CPVL: variants seen among roughly 807,000 people sequenced by gnomAD.
CPVL encodes the protein carboxypeptidase vitellogenic like, also known as probable serine carboxypeptidase CPVL.
CPVL carries 51 observed loss-of-function variants against 63.7 expected under a neutral mutation model. The ratio of observed to expected loss-of-function variants is 0.80; its 90% CI spans 0.64 to 1.01. The LOEUF is 1.01. Among genes scored for constraint, CPVL ranks in the 50% least tolerant of loss-of-function variants. CPVL has a pLI of 0.00. For missense variants in CPVL, 530 were observed against 573.1 expected (o/e 0.92, Z 0.77); for synonymous variants, 195 against 206.0 (o/e 0.95, Z 0.46).
At position 29,011,478 on chromosome 7, in the gene CPVL, G is replaced by C. The variant is rs113775853; in HGVS notation, c.1321-15596C>G. On this transcript the variant is annotated intron_variant, in intron 12 of 12. Transcript: ENST00000265394. ...TGGTCCCAGATACCTGGGATGCTGA[G>C]GTGGGAGGATTTGTTGAGCCTGGGA... 1,122 of 152,332 alleles carry C rather than the reference G, an allele frequency of 7.4e-3. 8 individuals carry two copies. The highest frequency in any genetic ancestry group is 0.013 in the Non-Finnish European group (852 of 68,034). The allele number at this position is 152,332 out of a possible 1,614,324, so 9.4% of individuals were successfully genotyped here. A position where few individuals can be genotyped will look rare whatever the true frequency, so the allele number is the denominator to read the frequency against.
intron 5 of CPVL, among the ~76,000 whole-genome samples, chr7:29,178,164 A>G (rs1393582468): frequency 6.6e-6 from 1 of 152,086 alleles, no homozygotes; most frequent in Admixed American, 6.5e-5. Flanking sequence ...CTTTGAAACC[A>G]CTGGAATAGT....
intron 3 of CPVL, among the ~76,000 whole-genome samples, chr7:29,098,378 T>TGG (rs1378979587): frequency 9.2e-5 from 14 of 152,132 alleles, no homozygotes; most frequent in Non-Finnish European, 1.8e-4. Flanking sequence ...GGGGACCTGC[T>TGG]ACAAGATAGG....
intron 5 of CPVL, among the ~76,000 whole-genome samples, chr7:29,155,945 C>A (rs565941492): frequency 6.6e-6 from 1 of 152,190 alleles, no homozygotes; most frequent in Non-Finnish European, 1.5e-5. Flanking sequence ...GAGACGGCCA[C>A]GTGCTCTTGC....
chr7:29,070,536 T>C (rs559775703), intron 9 of CPVL, among the ~76,000 whole-genome samples: 4 of 152,354 alleles, frequency 2.6e-5, no homozygotes, highest in African/African-American at 7.2e-5. Flanking sequence ...AATACTGTCA[T>C]TGCAAGTGGA....
rs186021257 is a variant in CPVL, at chr7:29,175,738, C to T, written c.-11+5552G>A. On this transcript the variant is annotated intron_variant, in intron 5 of 16. Transcript: ENST00000409850. Reference sequence around the variant, plus strand: ...AGTAGTAGAAGATAAGTTACCCAAGCGGAGCACAGGGAAAAAAACAAAACA... The same window carrying T: ...AGTAGTAGAAGATAAGTTACCCAAGTGGAGCACAGGGAAAAAAACAAAACA... Among the ~76,000 whole-genome samples the T allele has an allele frequency of 3.6e-3, 549 of 151,584 alleles. 1 individual carries two copies. The highest frequency in any genetic ancestry group is 6.4e-3 in the Non-Finnish European group (433 of 67,952).
intron 12 of CPVL, among the ~76,000 whole-genome samples, chr7:29,008,476 T>C (rs1402676493): frequency 1.3e-5 from 2 of 152,184 alleles, no homozygotes; most frequent in Non-Finnish European, 2.9e-5. Flanking sequence ...GACAACAATT[T>C]AAAACAGTTA....
chr7:29,125,936 A>G (rs1363757245), intron 1 of CPVL, among the ~76,000 whole-genome samples: 1 of 152,250 alleles, frequency 6.6e-6, no homozygotes, highest in Non-Finnish European at 1.5e-5. Flanking sequence ...TTGGTAAGAC[A>G]GTAACTTCTC....
chr7:29,131,721 C>T (rs1401354677), intron 1 of CPVL, among the ~76,000 whole-genome samples: 2 of 152,170 alleles, frequency 1.3e-5, no homozygotes, highest in East Asian at 1.9e-4. Context: ...CCATGTTGGC[C>T]AGGCTGGTCT....
At chr7:29,088,790 C>T (rs763583781) in intron 6 of CPVL, among the ~76,000 whole-genome samples, 1 of 152,092 alleles carries the variant, frequency 6.6e-6, no homozygotes, top group African/African-American at 2.4e-5. Flanking sequence ...TTCTGGCCAA[C>T]GTGGTGAAAC....
intron 12 of CPVL, among the ~76,000 whole-genome samples, chr7:29,007,773 A>G (rs770382251): frequency 2.0e-5 from 3 of 151,966 alleles, no homozygotes; most frequent in Non-Finnish European, 4.4e-5. Context: ...ACACACACAC[A>G]CAGTCAGAGG....
At chr7:29,031,893 T>G (rs1430485703) in intron 11 of CPVL, among the ~76,000 whole-genome samples, 1 of 152,154 alleles carries the variant, frequency 6.6e-6, no homozygotes, top group Non-Finnish European at 1.5e-5. Context: ...ATATCACAAC[T>G]ATAACTATAA....
intron 11 of CPVL, among the ~76,000 whole-genome samples, chr7:29,054,754 A>C (rs2128177093): frequency 6.6e-6 from 1 of 152,166 alleles, no homozygotes; most frequent in South Asian, 2.1e-4. Context: ...TTAGACATAT[A>C]GTATTCTCTT....
At chr7:29,031,071 C>T (rs1787976263) in intron 11 of CPVL, among the ~76,000 whole-genome samples, 1 of 152,198 alleles carries the variant, frequency 6.6e-6, no homozygotes, top group South Asian at 2.1e-4. Context: ...ACTGTGGTTA[C>T]ATTTTAGTGG....
chr7:29,027,366 A>G (rs1052991784), intron 12 of CPVL, among the ~76,000 whole-genome samples: 2 of 152,038 alleles, frequency 1.3e-5, no homozygotes, highest in African/African-American at 4.8e-5. Context: ...TACAACAAAC[A>G]TCATCATACT....
intron 7 of CPVL, among the ~76,000 whole-genome samples, chr7:29,085,519 A>T (rs1039227187): frequency 6.6e-6 from 1 of 152,260 alleles, no homozygotes; most frequent in Admixed American, 6.5e-5. Context: ...TACATTAGAA[A>T]AATCACCATT....
intron 5 of CPVL, among the ~76,000 whole-genome samples, chr7:29,157,571 A>C (rs1794577880): frequency 6.6e-6 from 1 of 152,212 alleles, no homozygotes; most frequent in Non-Finnish European, 1.5e-5. Context: ...AAGTATGAAA[A>C]TATCACCCTA....
intron 5 of CPVL, among the ~76,000 whole-genome samples, chr7:29,157,148 G>C (rs1183222810): frequency 6.6e-6 from 1 of 152,122 alleles, no homozygotes; most frequent in African/African-American, 2.4e-5. Flanking sequence ...GAATAATGAA[G>C]AGCTGTCTTT....
At chr7:29,087,638 C>T (rs898434412) in intron 6 of CPVL, among the ~76,000 whole-genome samples, 1 of 152,158 alleles carries the variant, frequency 6.6e-6, no homozygotes, top group African/African-American at 2.4e-5. Flanking sequence ...GCCTGCGAAG[C>T]TAGGGGAGGT....
chr7:29,186,737 T>TAC (rs1414393403), intron 1 of CPVL, among the ~76,000 whole-genome samples: 2 of 152,142 alleles, frequency 1.3e-5, no homozygotes, highest in East Asian at 3.9e-4. Context: ...GGAAAATACT[T>TAC]ACCATAACAG....
Sources: gnomAD v4.1 joint callset for allele counts (sites outside exome capture counted in the v4.1 genomes callset) on GRCh38, gnomAD v4.1.1 for gene constraint, MANE v1.5 for transcripts, NCBI Gene and HGNC (gene_info 2026-07-23, HGNC 2026-07-21) for gene names.